Variants in EFCAB12 observed in about 807,000 individuals in gnomAD.
The protein encoded by EFCAB12 is EF-hand calcium binding domain 12, also known as EF-hand calcium-binding domain-containing protein 12.
EFCAB12 carries 43 observed loss-of-function variants against 53.6 expected under a neutral mutation model. The observed-to-expected ratio is 0.80, with a 90% CI of 0.63 to 1.03. The LOEUF (loss-of-function observed/expected upper bound fraction) is 1.03, where lower values mean the gene tolerates loss of function less well. Ranked by LOEUF, EFCAB12 falls within the 50% of genes least tolerant of loss-of-function variation. The pLI is 0.00. For missense variants in EFCAB12, 646 were observed against 730.6 expected (o/e 0.88, Z 1.34); for synonymous variants, 269 against 289.2 (o/e 0.93, Z 0.71).
Position 129,411,273 on chromosome 3 carries a change from T to G in EFCAB12, c.920A>C (p.Lys307Thr), listed in dbSNP as rs774447698. ...TGCAGGCACCGTCAGTAGGTCCACT[T>G]TGGGAAGCTGTGGGGCTGAATCCAC... The part of the protein sequence containing the change: ...QEVDSAPQLP[K>T]VDLLTVPAVD... The change falls in exon 5 of 9, where the codon AAA becomes ACA. Residue 307 changes from lysine (K) to threonine (T), a missense_variant. Lys to Thr is a moderately conservative substitution (Grantham distance 78). Coordinates refer to ENST00000505956, the MANE Select transcript of EFCAB12 (RefSeq NM_207307.3). 1 of 1,613,518 alleles carries G rather than the reference T, an allele frequency of 6.2e-7. No individual in the cohort carries two copies. Among genetic ancestry groups the G allele is most frequent in the Non-Finnish European group, 8.5e-7 (1 of 1,179,602 alleles).
At chr3:129,416,079 A>C (rs1463965774) in intron 3 of EFCAB12, among the ~76,000 whole-genome samples, 1 of 152,216 alleles carries the variant, frequency 6.6e-6, no homozygotes, top group Admixed American at 6.5e-5. Flanking sequence ...CACTGTGCCT[A>C]GCCTTGATCA....
rs758826263 is a variant in EFCAB12 at position 129,404,339 on chromosome 3, C to T, written c.1314G>A (p.Pro438=). 2.8e-5 allele frequency: 45 copies of T among 1,613,692 alleles called. No individual in the cohort carries two copies. Among genetic ancestry groups the T allele is most frequent in the Middle Eastern group, 3.3e-4 (2 of 6,084 alleles). Residue 438 remains proline, a synonymous_variant, in exon 7 of 9, where the codon CCG becomes CCA. Transcript: ENST00000505956. ...CCTTCCAGTCAGAGTAGTAGCCTCC[C>T]GGCTGCCGGATGGGGCACACTTTGT... ...QMDKVCPIRQ[P]GGYYSDWKVF... is the part of the protein sequence containing the mutation.
intron 8 of EFCAB12, 88 bp downstream of exon 8, chr3:129,402,435 G>A (rs1236880347): frequency 1.4e-6 from 2 of 1,419,402 alleles, no homozygotes; most frequent in African/African-American, 1.4e-5. Context: ...CAGCTGTTGT[G>A]CCAGGAGTGC....
At chr3:129,423,117 G>A (rs2072209658) in intron 1 of EFCAB12, among the ~76,000 whole-genome samples, 1 of 152,184 alleles carries the variant, frequency 6.6e-6, no homozygotes. Context: ...GAGGCCCAAG[G>A]TCACTCAGTT....
intron 6 of EFCAB12, among the ~76,000 whole-genome samples, chr3:129,406,601 C>T (rs1463083801): frequency 6.6e-6 from 1 of 152,100 alleles, no homozygotes; most frequent in Non-Finnish European, 1.5e-5. Context: ...CTCCCAGGCT[C>T]AAGTGATCCT....
intron 4 of EFCAB12, 124 bp downstream of exon 4, chr3:129,415,121 C>T: frequency 1.6e-6 from 2 of 1,273,556 alleles, no homozygotes; most frequent in Non-Finnish European, 2.1e-6. Context: ...TTGGCCAAAC[C>T]ACAGTCGGCC....
intron 5 of EFCAB12, among the ~76,000 whole-genome samples, chr3:129,409,706 A>G (rs1577040590): frequency 6.6e-6 from 1 of 152,166 alleles, no homozygotes; most frequent in Non-Finnish European, 1.5e-5. Flanking sequence ...TTGTTGGAGC[A>G]CAGCCACACT....
chr3:129,428,343 G>T, intron 1 of EFCAB12, 97 bp downstream of exon 1: 1 of 1,500,124 alleles, frequency 6.7e-7, no homozygotes, highest in Non-Finnish European at 9.1e-7. Flanking sequence ...AGAGGGGGTC[G>T]GCACAATATC....
At chr3:129,415,715 A>C (rs1280552449) in intron 3 of EFCAB12, among the ~76,000 whole-genome samples, 1 of 152,028 alleles carries the variant, frequency 6.6e-6, no homozygotes, top group East Asian at 1.9e-4. Flanking sequence ...CTAGGGTCCC[A>C]CCCCACTTCC....
In EFCAB12 at chr3:129,412,612, A is replaced by G. The variant is rs1045653749; in HGVS notation, c.839-1258T>C. ...CCTCAGCTGCCTTCCCACCTGGTCCATGGCATACCATTCACCCTTCACCCA... is the reference window on the plus strand; with the variant it reads ...CCTCAGCTGCCTTCCCACCTGGTCCGTGGCATACCATTCACCCTTCACCCA... On this transcript the variant is annotated intron_variant, in intron 4 of 8. Transcript: ENST00000505956. 3.7e-4 allele frequency: 56 copies of G among 152,698 alleles called. 1 individual carries two copies. The highest frequency in any genetic ancestry group is 1.3e-3 in the African/African-American group (56 of 41,544). 9.5% of individuals were successfully genotyped at this position (152,698 alleles called of 1,614,324 possible).
intron 4 of EFCAB12, 153 bp downstream of exon 4, chr3:129,415,092 C>T (rs1412263943): frequency 3.6e-5 from 30 of 839,504 alleles, no homozygotes; most frequent in Non-Finnish European, 5.0e-5. Flanking sequence ...AATCTCTGGG[C>T]CTGAAAATTT....
At chr3:129,409,187 C>T (rs2071997589) in intron 5 of EFCAB12, among the ~76,000 whole-genome samples, 1 of 152,248 alleles carries the variant, frequency 6.6e-6, no homozygotes, top group Non-Finnish European at 1.5e-5. Flanking sequence ...AGATGGCTCA[C>T]ACCTGTCATC....
intron 5 of EFCAB12, among the ~76,000 whole-genome samples, chr3:129,410,836 G>A (rs1301484554): frequency 6.6e-6 from 1 of 152,180 alleles, no homozygotes; most frequent in East Asian, 1.9e-4. Flanking sequence ...AGTCTACCCA[G>A]TGTCAGGCCC....
In EFCAB12 at chr3:129,408,627, A is replaced by G; in HGVS notation, c.1249+18T>C. On this transcript the variant is annotated intron_variant, in intron 6 of 8. Coordinates refer to ENST00000505956, the MANE Select transcript of EFCAB12 (RefSeq NM_207307.3). ...GTTCCCTTGGCATCTTCCTAGGGCC[A>G]GCTACCGAGGCCCTTACCTTTCATG... 6.4e-7 allele frequency: 1 copy of G among 1,554,622 alleles called. No individual in the cohort carries two copies. The highest frequency in any genetic ancestry group is 8.7e-7 in the Non-Finnish European group (1 of 1,148,164).
intron 6 of EFCAB12, among the ~76,000 whole-genome samples, chr3:129,407,641 C>T (rs1489367958): frequency 6.6e-6 from 1 of 152,200 alleles, no homozygotes; most frequent in Non-Finnish European, 1.5e-5. Context: ...AGGCCGGGTG[C>T]GGTGGCTCAT....
At chr3:129,426,659 C>T (rs566954885) in intron 1 of EFCAB12, among the ~76,000 whole-genome samples, 24 of 150,590 alleles carry the variant, frequency 1.6e-4, no homozygotes, top group Non-Finnish European at 2.8e-4. Flanking sequence ...CCACGGCGCC[C>T]GGCCGGGGAT....
At chr3:129,426,193 G>C (rs2072268663) in intron 1 of EFCAB12, among the ~76,000 whole-genome samples, 1 of 151,914 alleles carries the variant, frequency 6.6e-6, no homozygotes, top group Non-Finnish European at 1.5e-5. Flanking sequence ...CTTATACCCA[G>C]GGTCTCTTCT....
chr3:129,425,340 T>C (rs575630987), intron 1 of EFCAB12, among the ~76,000 whole-genome samples: 10 of 152,312 alleles, frequency 6.6e-5, no homozygotes, highest in African/African-American at 2.4e-4. Flanking sequence ...CGCCTCCTTC[T>C]GTGGCCTACA....
chr3:129,423,500 C>T (rs571968465), intron 1 of EFCAB12, among the ~76,000 whole-genome samples: 62 of 151,766 alleles, frequency 4.1e-4, no homozygotes, highest in African/African-American at 1.4e-3. Flanking sequence ...TGGTGGTGCA[C>T]GCCTGTAGTC....
Sources: gnomAD v4.1 joint callset for allele counts (sites outside exome capture counted in the v4.1 genomes callset) on GRCh38, gnomAD v4.1.1 for gene constraint, MANE v1.5 for transcripts, NCBI Gene and HGNC (gene_info 2026-07-23, HGNC 2026-07-21) for gene names.